Variants in ZNF565 observed in about 807,000 individuals in gnomAD.
The protein encoded by ZNF565 is zinc finger protein 565.
A neutral mutation model predicts 39.4 loss-of-function variants in ZNF565; 27 were observed. The observed-to-expected ratio is 0.69, with a 90% CI of 0.51 to 0.95. The LOEUF is 0.95. Ranked by LOEUF, ZNF565 falls within the 40% of genes least tolerant of loss-of-function variation. ZNF565 has a pLI of 0.00. For missense variants in ZNF565, 524 were observed against 621.1 expected, an observed-to-expected ratio of 0.84 and a Z score of 1.66; for synonymous variants, 185 against 216.6, an observed-to-expected ratio of 0.85 and a Z score of 1.28.
At chr19:36,224,286 C>T (rs766728850) in intron 1 of ZNF565, among the ~76,000 whole-genome samples, 30 of 152,280 alleles carry the variant, frequency 2.0e-4, no homozygotes, top group Non-Finnish European at 3.8e-4. Flanking sequence ...GAGGCTGAGA[C>T]AGGAGAATCG....
intron 1 of ZNF565, among the ~76,000 whole-genome samples, chr19:36,226,653 G>A (rs1414725645): frequency 6.6e-6 from 1 of 152,066 alleles, no homozygotes; most frequent in Non-Finnish European, 1.5e-5. Context: ...CATTTTGCAA[G>A]AACAAAAACA....
At chr19:36,213,689 A>ATTTTT (rs34943234) in intron 1 of ZNF565, among the ~76,000 whole-genome samples, 1 of 133,288 alleles carries the variant, frequency 7.5e-6, no homozygotes, top group Non-Finnish European at 1.6e-5. Flanking sequence ...CCAGCCATTA[A>ATTTTT]TTTTTTTTTT....
chr19:36,194,029 A>C (rs1975668322), intron 4 of ZNF565, among the ~76,000 whole-genome samples: 1 of 152,172 alleles, frequency 6.6e-6, no homozygotes. Flanking sequence ...ATGTGAGAGA[A>C]CAGAGACCAG....
Position 36,194,398 on chromosome 19 carries a change from A to G in ZNF565, c.137-70T>C, listed in dbSNP as rs1276521513. ...ATCCAAACCCAGTTCCCTGGTCACC[A>G]TGGAAAAGACGCAATTACAAGGTAG... On this transcript the variant is annotated intron_variant, in intron 3 of 4. Coordinates refer to ENST00000304116, the MANE Select transcript of ZNF565 (RefSeq NM_152477.5). 9 of 1,268,320 alleles carry G rather than the reference A, an allele frequency of 7.1e-6. No individual in the cohort carries two copies. In the East Asian group the frequency reaches 7.6e-5, roughly 11 times the overall value. 78.6% of individuals were successfully genotyped at this position (1,268,320 alleles called of 1,614,324 possible). A position where few individuals can be genotyped will look rare whatever the true frequency, so the allele number is the denominator to read the frequency against.
chr19:36,239,657 C>T (rs1221746220), intron 1 of ZNF565, among the ~76,000 whole-genome samples: 1 of 152,098 alleles, frequency 6.6e-6, no homozygotes, highest in Non-Finnish European at 1.5e-5. Flanking sequence ...AAACAACTTC[C>T]CATAACTTCC....
chr19:36,229,255 C>T (rs751832413), intron 1 of ZNF565, among the ~76,000 whole-genome samples: 4 of 152,164 alleles, frequency 2.6e-5, no homozygotes, highest in Non-Finnish European at 2.9e-5. Flanking sequence ...TCACACTTCC[C>T]GTTGTCTTCT....
At chr19:36,205,565 T>C (rs890115957) in intron 1 of ZNF565, among the ~76,000 whole-genome samples, 1 of 152,078 alleles carries the variant, frequency 6.6e-6, no homozygotes, top group Non-Finnish European at 1.5e-5. Context: ...TTTTCACTTA[T>C]TAATGAAATG....
intron 1 of ZNF565, among the ~76,000 whole-genome samples, chr19:36,231,438 A>AC (rs1420947273): frequency 1.3e-5 from 2 of 152,064 alleles, no homozygotes; most frequent in Non-Finnish European, 1.5e-5. Flanking sequence ...TAAACTCCTG[A>AC]CCTCAAGTGA....
At chr19:36,236,170 C>G (rs1977637485) in intron 1 of ZNF565, 1 of 361,902 alleles carries the variant, frequency 2.8e-6, no homozygotes, top group Non-Finnish European at 5.0e-6. Context: ...CATTGAGAAG[C>G]AGAAAATTCA....
rs556460882 is a variant in ZNF565, at chr19:36,201,635, C to G, written c.9+342G>C. On this transcript the variant is annotated intron_variant, in intron 2 of 4. Coordinates refer to ENST00000304116, the MANE Select transcript of ZNF565 (RefSeq NM_152477.5). ...GACTACAGGTGTGTGGTACCATGCCCGGCTAATTTTTGTATTTTTAGTAGA... is the reference window on the plus strand; with the variant it reads ...GACTACAGGTGTGTGGTACCATGCCGGGCTAATTTTTGTATTTTTAGTAGA... Among the ~76,000 whole-genome samples the G allele has an allele frequency of 3.3e-5, 5 of 151,940 alleles. No individual in the cohort carries two copies. The East Asian group carries it at 9.7e-4, about 29-fold the overall frequency.
At chr19:36,184,348 C>T (rs979174654) in intron 4 of ZNF565, among the ~76,000 whole-genome samples, 1 of 151,904 alleles carries the variant, frequency 6.6e-6, no homozygotes, top group African/African-American at 2.4e-5. Context: ...CTCACGCAAC[C>T]TCCGCCTCTT....
rs149953100 is a variant in ZNF565, at chr19:36,182,840, C to T, written c.1126G>A (p.Ala376Thr). 110 of 1,613,586 alleles carry T rather than the reference C, an allele frequency of 6.8e-5. No individual in the cohort carries two copies. Among genetic ancestry groups the T allele is most frequent in the Admixed American group, 3.8e-4 (23 of 59,938 alleles). Reference protein sequence around the residue: ...KECGKAFRQHAQLTRHQRVHT... With the variant: ...KECGKAFRQHTQLTRHQRVHT... Reference sequence around the variant, plus strand: ...ACTCTCTGATGTCGTGTGAGCTGTGCGTGCTGTCTGAAGGCCTTCCCACAT... The same window carrying T: ...ACTCTCTGATGTCGTGTGAGCTGTGTGTGCTGTCTGAAGGCCTTCCCACAT... Residue 376 changes from alanine (A) to threonine (T), a missense_variant, in exon 5 of 5, where the codon GCA (alanine) becomes ACA (threonine). Coordinates refer to ENST00000304116, the MANE Select transcript of ZNF565 (RefSeq NM_152477.5).
intron 4 of ZNF565, among the ~76,000 whole-genome samples, chr19:36,188,082 C>G (rs973749506): frequency 6.6e-6 from 1 of 151,642 alleles, no homozygotes; most frequent in African/African-American, 2.4e-5. Flanking sequence ...AGGGGCCAGG[C>G]GTAGTGGCTC....
intron 1 of ZNF565, chr19:36,237,184 T>G: frequency 1.2e-6 from 2 of 1,614,156 alleles, no homozygotes; most frequent in Non-Finnish European, 1.7e-6. Flanking sequence ...GTGGGAAAGC[T>G]TTCTCTCAGT....
intron 1 of ZNF565, among the ~76,000 whole-genome samples, chr19:36,202,807 C>T (rs1204966042): frequency 6.6e-6 from 1 of 152,160 alleles, no homozygotes; most frequent in Non-Finnish European, 1.5e-5. Flanking sequence ...GCTCCACTTC[C>T]TCCTTCCAAG....
At position 36,183,361 on chromosome 19, in the gene ZNF565, T is replaced by G. The variant is rs1372135941; in HGVS notation, c.605A>C (p.Lys202Thr). The change falls in exon 5 of 5, where the codon AAG becomes ACG. Residue 202 changes from lysine to threonine, a missense_variant. Transcript: ENST00000304116. ...AAGGTGTGAGGCACGGCTGAAGGCC[T>G]TCCCACATTCCTTACATCCAAAGGG... ...EKPFGCKECG[K>T]AFSRASHLVQ... The G allele has an allele frequency of 1.2e-6, 2 of 1,614,128 alleles. No individual in the cohort carries two copies. The highest frequency in any genetic ancestry group is 2.2e-5 in the South Asian group (2 of 91,088).
intron 1 of ZNF565, among the ~76,000 whole-genome samples, chr19:36,207,797 A>G (rs1976212117): frequency 6.6e-6 from 1 of 152,192 alleles, no homozygotes; most frequent in South Asian, 2.1e-4. Flanking sequence ...GAAAGACTGC[A>G]CAATTCTCCA....
At chr19:36,221,927 C>CTTTTTTTT (rs60347994) in intron 1 of ZNF565, among the ~76,000 whole-genome samples, 4 of 109,912 alleles carry the variant, frequency 3.6e-5, no homozygotes, top group Admixed American at 1.1e-4. Context: ...TTTTTTCTTT[C>CTTTTTTTT]TTTTTTTTTT....
At chr19:36,223,363 T>G (rs1341775039) in intron 1 of ZNF565, among the ~76,000 whole-genome samples, 5 of 151,376 alleles carry the variant, frequency 3.3e-5, no homozygotes, top group Admixed American at 2.0e-4. Context: ...AAAAATCTAG[T>G]TACATTTTTT....
Sources: allele counts gnomAD v4.1 joint callset (sites outside exome capture counted in the v4.1 genomes callset), GRCh38; gene constraint gnomAD v4.1.1; transcripts MANE v1.5; gene names NCBI Gene and HGNC (gene_info 2026-07-23, HGNC 2026-07-21).